The following RGS22 variants were observed in gnomAD, a reference collection of about 807,000 sequenced individuals.
The protein encoded by RGS22 is regulator of G-protein signaling 22.
Under a neutral mutation model 172.9 loss-of-function variants are expected in RGS22, and 148 were observed. That is an observed-to-expected ratio of 0.86 (90% CI 0.75 to 0.98). RGS22 has a LOEUF of 0.98. Ranked by LOEUF, RGS22 falls within the 50% of genes least tolerant of loss-of-function variation. RGS22 has a pLI of 0.00. For synonymous variants in RGS22, 458 were observed against 480.2 expected (o/e 0.95, Z 0.60); for missense variants, 1,347 against 1,440.8 (o/e 0.93, Z 1.05).
At chr8:99,990,891 C>T (rs960144485) in intron 20 of RGS22, among the ~76,000 whole-genome samples, 6 of 152,212 alleles carry the variant, frequency 3.9e-5, no homozygotes, top group South Asian at 2.1e-4. Context: ...AGCTACCCCT[C>T]TGGGACGAAG....
intron 20 of RGS22, among the ~76,000 whole-genome samples, chr8:99,990,643 C>T (rs1254306794): frequency 2.0e-5 from 3 of 152,200 alleles, no homozygotes; most frequent in African/African-American, 7.2e-5. Flanking sequence ...ATAAAGCCCA[C>T]CGCAGCTCAA....
At chr8:100,051,403 ATATT>A (rs1192633182) in intron 10 of RGS22, among the ~76,000 whole-genome samples, 1 of 129,532 alleles carries the variant, frequency 7.7e-6, no homozygotes, top group East Asian at 2.0e-4. Context: ...TTTTATATAT[ATATT>A]TATTATATAT....
intron 14 of RGS22, among the ~76,000 whole-genome samples, chr8:100,020,636 A>G (rs756974120): frequency 6.6e-6 from 1 of 152,178 alleles, no homozygotes; most frequent in Non-Finnish European, 1.5e-5. Context: ...AGCTTGTACC[A>G]GCTCACAAGA....
chr8:100,010,738 GA>G (rs1816282853), intron 14 of RGS22, among the ~76,000 whole-genome samples: 1 of 151,236 alleles, frequency 6.6e-6, no homozygotes, highest in Non-Finnish European at 1.5e-5. Context: ...CAAATCCCTA[GA>G]AAAGACTCAT....
At chr8:100,027,218 A>G (rs1317549043) in intron 14 of RGS22, among the ~76,000 whole-genome samples, 1 of 152,052 alleles carries the variant, frequency 6.6e-6, no homozygotes, top group East Asian at 1.9e-4. Context: ...TGGGTGACAG[A>G]GCAAGATGAC....
At chr8:100,076,174 G>A (rs1811332682) in intron 4 of RGS22, among the ~76,000 whole-genome samples, 1 of 152,056 alleles carries the variant, frequency 6.6e-6, no homozygotes, top group African/African-American at 2.4e-5. Flanking sequence ...TCTGTGGGTT[G>A]TCTTTTTACT....
rs150018731 is a variant in RGS22 at position 99,978,066 on chromosome 8, A to G, written c.3370T>C (p.Phe1124Leu). The G allele has an allele frequency of 2.0e-6, 3 of 1,512,248 alleles. No individual in the cohort carries two copies. Among genetic ancestry groups the G allele is most frequent in the African/African-American group, 2.9e-5 (2 of 69,172 alleles). The allele number at this position is 1,512,248 out of a possible 1,614,324, so 93.7% of individuals were successfully genotyped here. ...GGCCAGAATTTAAACAGAACCCCAAAAATTGTCATCTGTATAAAAAAAAGT... is the reference window on the plus strand; with the variant it reads ...GGCCAGAATTTAAACAGAACCCCAAGAATTGTCATCTGTATAAAAAAAAGT... ...YVFREAQMTIFGVLFKFWPQF... is the reference protein window; with the variant it reads ...YVFREAQMTILGVLFKFWPQF... Residue 1124 changes from phenylalanine to leucine, a missense_variant, in exon 23 of 28, where the codon TTT becomes CTT. Phe to Leu is a conservative substitution (Grantham distance 22). Coordinates refer to ENST00000360863, the MANE Select transcript of RGS22 (RefSeq NM_015668.5).
chr8:100,034,336 G>A (rs1262677438), intron 14 of RGS22, among the ~76,000 whole-genome samples: 1 of 152,214 alleles, frequency 6.6e-6, no homozygotes, highest in East Asian at 1.9e-4. Context: ...CAAACAGAGA[G>A]CCAAATCATG....
intron 14 of RGS22, among the ~76,000 whole-genome samples, chr8:100,018,989 C>CAAAAAAAA (rs5893504): frequency 6.8e-6 from 1 of 146,910 alleles, no homozygotes; most frequent in Non-Finnish European, 1.5e-5. Context: ...ATGTCAAAAG[C>CAAAAAAAA]AAAAAAAAAA....
intron 7 of RGS22, 83 bp from the exon 8 acceptor site, chr8:100,064,126 T>G: frequency 9.2e-7 from 1 of 1,086,458 alleles, no homozygotes; most frequent in Non-Finnish European, 1.3e-6. Flanking sequence ...AGAGCCAGAA[T>G]GGCAAATGGG....
chr8:99,970,965 G>A (rs1323001896), intron 23 of RGS22, among the ~76,000 whole-genome samples: 3 of 152,184 alleles, frequency 2.0e-5, no homozygotes, highest in Admixed American at 6.5e-5. Flanking sequence ...GAACATCGAT[G>A]CAAAAATCCT....
intron 4 of RGS22, among the ~76,000 whole-genome samples, chr8:100,074,271 G>T (rs910474577): frequency 1.3e-5 from 2 of 152,216 alleles, no homozygotes; most frequent in Non-Finnish European, 2.9e-5. Context: ...TTATTGGTTA[G>T]ATTTATTGAG....
chr8:100,059,684 A>G (rs144471102), intron 9 of RGS22, among the ~76,000 whole-genome samples: 21 of 152,298 alleles, frequency 1.4e-4, no homozygotes, highest in African/African-American at 5.1e-4. Flanking sequence ...TCCCAATGCA[A>G]CAATAGCTGG....
chr8:100,062,720 A>G lies in RGS22; in HGVS notation c.1385T>C (p.Val462Ala). ...AGAAAGGTAGTAATCTCCATTGCTC[A>G]CTAGATAGCATTTTTTCATCTTCTC... ...HLEKMKKCYL[V>A]SNGDYYLSAE... Residue 462 changes from valine (V) to alanine (A), a missense_variant, in exon 9 of 28, where the codon GTG (valine) becomes GCG (alanine). By Grantham distance (64) the Val-to-Ala change is moderately conservative (BLOSUM62 0). Transcript: ENST00000360863. 6.2e-7 allele frequency: 1 copy of G among 1,601,430 alleles called. No homozygotes were observed. Among genetic ancestry groups the G allele is most frequent in the Admixed American group, 1.8e-5 (1 of 56,708 alleles).
At position 100,071,537 on chromosome 8, in the gene RGS22, C is replaced by A; in HGVS notation, c.426G>T (p.Arg142Ser). The A allele has an allele frequency of 1.3e-6, 2 of 1,585,846 alleles. No homozygotes were observed. Among genetic ancestry groups the A allele is most frequent in the African/African-American group, 1.4e-5 (1 of 73,356 alleles). Residue 142 changes from arginine to serine, a missense_variant and splice_region_variant, in exon 6 of 28, where the codon AGG becomes AGT. Coordinates refer to ENST00000360863, the MANE Select transcript of RGS22 (RefSeq NM_015668.5). ...TTACTTGTGAGACCAATTTGGCTAA[C>A]CTGCATTTTAGAAATCATACAAATT... is the stretch of plus-strand genomic sequence containing the variant. ...FLESDCYFEY[R>S]LAKLVSQVRW...
intron 2 of RGS22, among the ~76,000 whole-genome samples, chr8:100,099,107 G>T (rs903493473): frequency 1.3e-5 from 2 of 151,672 alleles, no homozygotes; most frequent in Non-Finnish European, 2.9e-5. Flanking sequence ...GTAGAGACGG[G>T]GTTTCACCAT....
intron 11 of RGS22, 94 bp from the exon 12 acceptor site, chr8:100,042,010 T>C (rs548367255): frequency 1.5e-6 from 1 of 678,326 alleles, no homozygotes; most frequent in Admixed American, 2.3e-5. Context: ...TAGCACCGAA[T>C]CTCAAGAGTA....
At position 100,051,502 on chromosome 8, in the gene RGS22, AAT is replaced by A. The variant is rs1491298708; in HGVS notation, c.1689+1298_1689+1299del. 3.2e-3 allele frequency among the ~76,000 whole-genome samples: 184 copies of A among 57,622 alleles called. 61 individuals are homozygous for A. Among genetic ancestry groups the A allele is most frequent in the Middle Eastern group, 0.02 (2 of 102 alleles). The allele number at this position is 57,622 out of a possible 152,430, so 37.8% of individuals were successfully genotyped here. ...ATATATTTATATATAATATATAATAAATATATATAAATATATTTTTATATATT... is the reference window on the plus strand; with the variant it reads ...ATATATTTATATATAATATATAATAAATATATAAATATATTTTTATATATT... On this transcript the variant is annotated intron_variant, in intron 10 of 27. Transcript: ENST00000360863.
chr8:100,033,475 T>C (rs534031417), intron 14 of RGS22, among the ~76,000 whole-genome samples: 10 of 151,846 alleles, frequency 6.6e-5, no homozygotes, highest in African/African-American at 2.2e-4. Flanking sequence ...CAGGAAGAAG[T>C]TGAGTCTCTG....
Sources: gnomAD v4.1 joint callset for allele counts (sites outside exome capture counted in the v4.1 genomes callset) on GRCh38, gnomAD v4.1.1 for gene constraint, MANE v1.5 for transcripts, NCBI Gene and HGNC (gene_info 2026-07-23, HGNC 2026-07-21) for gene names.